C1QTNF9: variants seen among roughly 807,000 people sequenced by gnomAD.
C1QTNF9 encodes the protein C1q and TNF related 9.
C1QTNF9 carries 6 observed loss-of-function variants against 10.1 expected under a neutral mutation model. The observed-to-expected ratio is 0.59, with a 90% confidence interval of 0.32 to 1.17. C1QTNF9 has a LOEUF of 1.17. C1QTNF9 is among the 50% of genes most tolerant of loss of function. The pLI, the probability that C1QTNF9 is intolerant of heterozygous loss-of-function variation, is 0.04. For synonymous variants in C1QTNF9, 98 were observed against 163.5 expected, an observed-to-expected ratio of 0.60 and a Z score of 3.06; for missense variants, 201 against 418.8, an observed-to-expected ratio of 0.48 and a Z score of 4.54.
exon 4 of C1QTNF9, chr13:24,322,027 T>C (rs1443701825): frequency 2.2e-5 from 10 of 445,138 alleles, no homozygotes; most frequent in Middle Eastern, 6.4e-4. Context: ...CGTCTGTGCG[T>C]TTCTTGTGGG....
chr13:24,316,612 C>A (rs1365092988), intron 2 of C1QTNF9, among the ~76,000 whole-genome samples: 1 of 152,228 alleles, frequency 6.6e-6, no homozygotes, highest in African/African-American at 2.4e-5. Context: ...AGAGCTAATA[C>A]CGCATCATGC....
At chr13:24,316,350 A>G (rs1397917379) in intron 2 of C1QTNF9, among the ~76,000 whole-genome samples, 181 bp downstream of exon 2, 2 of 152,016 alleles carry the variant, frequency 1.3e-5, no homozygotes, top group Non-Finnish European at 2.9e-5. Flanking sequence ...TCTGCCCAGC[A>G]ACACTCACGG....
intron 3 of C1QTNF9, 109 bp downstream of exon 3, chr13:24,318,989 C>T (rs1302920379): frequency 8.2e-6 from 12 of 1,463,822 alleles, no homozygotes; most frequent in Non-Finnish European, 1.1e-5. Flanking sequence ...AAAGGCAACA[C>T]AGTTCTTACT....
chr13:24,316,614 G>A (rs55702258), intron 2 of C1QTNF9, among the ~76,000 whole-genome samples: 18,952 of 152,220 alleles, frequency 0.12, 1,270 homozygotes, highest in Middle Eastern at 0.26. Context: ...AGCTAATACC[G>A]CATCATGCCA....
At chr13:24,320,425 C>T (rs560505659) in intron 3 of C1QTNF9, among the ~76,000 whole-genome samples, 1 of 152,220 alleles carries the variant, frequency 6.6e-6, no homozygotes, top group Admixed American at 6.5e-5. Flanking sequence ...CACTCTGTTG[C>T]CCAGGCTGCA....
At chr13:24,311,910 C>G (rs1480073745) in intron 1 of C1QTNF9, among the ~76,000 whole-genome samples, 4 of 152,162 alleles carry the variant, frequency 2.6e-5, no homozygotes, top group Non-Finnish European at 5.9e-5. Context: ...CCCCCTTACC[C>G]TTTAAGGCCG....
chr13:24,319,639 C>T (rs1593536475), intron 3 of C1QTNF9, among the ~76,000 whole-genome samples: 2 of 152,292 alleles, frequency 1.3e-5, no homozygotes, highest in East Asian at 3.9e-4. Flanking sequence ...TGAATTTGGC[C>T]TGTGGCTGTA....
intron 1 of C1QTNF9, among the ~76,000 whole-genome samples, chr13:24,311,033 T>C (rs1877801375): frequency 6.6e-6 from 1 of 152,108 alleles, no homozygotes; most frequent in Admixed American, 6.6e-5. Flanking sequence ...TCTTAGATCG[T>C]CAGATCCGGG....
At chr13:24,320,114 G>A in intron 3 of C1QTNF9, among the ~76,000 whole-genome samples, 1 of 152,024 alleles carries the variant, frequency 6.6e-6, no homozygotes, top group East Asian at 1.9e-4. Context: ...CTCGATGCAG[G>A]CTTTATTTTA....
chr13:24,310,300 C>G (rs1187527302), intron 1 of C1QTNF9, among the ~76,000 whole-genome samples: 1 of 149,414 alleles, frequency 6.7e-6, no homozygotes, highest in Admixed American at 6.7e-5. Context: ...ACTACAGGAG[C>G]CTGCCACCGC....
chr13:24,319,363 A>G (rs1878160485), intron 3 of C1QTNF9, among the ~76,000 whole-genome samples: 3 of 152,016 alleles, frequency 2.0e-5, no homozygotes, highest in South Asian at 2.1e-4. Flanking sequence ...ACATAGTAAG[A>G]CTTTGTCTAT....
exon 3 of C1QTNF9, chr13:24,318,842 C>G (rs144539792): frequency 2.5e-6 from 4 of 1,614,078 alleles, no homozygotes. Flanking sequence ...CCTGGCAGCC[C>G]GGGGAAGGAT....
rs1878005676 is a variant in C1QTNF9, at chr13:24,315,967, G to C, written c.-22-15G>C. The C allele has an allele frequency of 6.2e-7, 1 of 1,612,594 alleles. No individual in the cohort carries two copies. Among genetic ancestry groups the C allele is most frequent in the Admixed American group, 1.7e-5 (1 of 59,940 alleles). On this transcript the variant is annotated splice_polypyrimidine_tract_variant and intron_variant, in intron 1 of 3. Coordinates refer to ENST00000332018, the Ensembl canonical transcript of C1QTNF9. ...ACAAAGATTTCTCCTTTGGGTTTCT[G>C]TTTCCCTCTTTCAGTTCAGAGTCTG...
chr13:24,308,416 T>C (rs1877682552), upstream of C1QTNF9, among the ~76,000 whole-genome samples: 1 of 152,150 alleles, frequency 6.6e-6, no homozygotes, highest in African/African-American at 2.4e-5. Context: ...AGGGGCTCCT[T>C]GCGTTTAGCC....
chr13:24,309,306 T>TATA (rs963863876), upstream of C1QTNF9, among the ~76,000 whole-genome samples: 35 of 134,078 alleles, frequency 2.6e-4, 3 homozygotes, highest in African/African-American at 1.0e-3. Flanking sequence ...TATATATATA[T>TATA]ATGAAAGAAA....
rs573663962 is a variant in C1QTNF9, at chr13:24,312,587, T to G, written c.-23+2971T>G. 7.3e-4 allele frequency among the ~76,000 whole-genome samples: 111 copies of G among 152,370 alleles called. 1 individual carries two copies. The highest frequency in any genetic ancestry group is 3.4e-3 in the Middle Eastern group (1 of 294). The stretch of plus-strand genomic sequence containing the variant: ...AATATAATTTCTTCTATATTCCTTG[T>G]GCAAATCCTCAACCTTCTACATTAA... On this transcript the variant is annotated intron_variant, in intron 1 of 3. Coordinates refer to ENST00000332018, the Ensembl canonical transcript of C1QTNF9.
chr13:24,314,353 C>A (rs1452748175), intron 1 of C1QTNF9, among the ~76,000 whole-genome samples: 2 of 144,278 alleles, frequency 1.4e-5, no homozygotes, highest in African/African-American at 5.2e-5. Flanking sequence ...GCCTGGGCAA[C>A]AGAGTGAGAC....
chr13:24,313,644 T>A lies in C1QTNF9; in HGVS notation c.-22-2338T>A, dbSNP rs149987714. Among the ~76,000 whole-genome samples the A allele has an allele frequency of 7.9e-4, 121 of 152,340 alleles. 2 individuals are homozygous for A. Among genetic ancestry groups the A allele is most frequent in the African/African-American group, 2.8e-3 (115 of 41,574 alleles). ...AAATACTCCATTTGCATTAGACTGC[T>A]CCCTGTGACATTTCCACCAGATGGC... is the stretch of plus-strand genomic sequence containing the variant. On this transcript the variant is annotated intron_variant, in intron 1 of 3. Coordinates refer to ENST00000332018, the Ensembl canonical transcript of C1QTNF9.
upstream of C1QTNF9, among the ~76,000 whole-genome samples, chr13:24,309,030 G>A (rs933332975): frequency 6.6e-6 from 1 of 152,020 alleles, no homozygotes; most frequent in Non-Finnish European, 1.5e-5. Flanking sequence ...ACACCCATCT[G>A]AAAATCTAAT....
Sources: gnomAD v4.1 joint callset for allele counts (sites outside exome capture counted in the v4.1 genomes callset) on GRCh38, gnomAD v4.1.1 for gene constraint, MANE v1.5 for transcripts, NCBI Gene and HGNC (gene_info 2026-07-23, HGNC 2026-07-21) for gene names.